PAX7: variants seen among roughly 807,000 people sequenced by gnomAD.
PAX7 encodes the protein paired box 7.
A neutral mutation model predicts 50.7 loss-of-function variants in PAX7; 18 were observed. The ratio of observed to expected loss-of-function variants is 0.36; its 90% CI spans 0.25 to 0.53. The LOEUF is 0.53. PAX7 is among the 20% of genes least tolerant of loss of function. The pLI, the probability that PAX7 is intolerant of heterozygous loss-of-function variation, is 0.93. For missense variants in PAX7, 644 were observed against 702.9 expected, an observed-to-expected ratio of 0.92 and a Z score of 0.95; for synonymous variants, 310 against 290.4, an observed-to-expected ratio of 1.07 and a Z score of -0.69.
intron 1 of PAX7, among the ~76,000 whole-genome samples, chr1:18,633,687 C>T (rs1308143388): frequency 1.3e-5 from 2 of 152,212 alleles, no homozygotes; most frequent in African/African-American, 2.4e-5. Flanking sequence ...ATATGTCACC[C>T]GTCCCTCGGC....
chr1:18,708,215 C>T (rs2089308350), intron 7 of PAX7, among the ~76,000 whole-genome samples: 1 of 152,082 alleles, frequency 6.6e-6, no homozygotes, highest in Non-Finnish European at 1.5e-5. Flanking sequence ...CACTCTCTCC[C>T]CTCTGCTCCG....
rs191285263 is a variant in PAX7, at chr1:18,729,697, C to T, written c.1156-5935C>T. On this transcript the variant is annotated intron_variant, in intron 7 of 8. Transcript: ENST00000420770. Reference sequence around the variant, plus strand: ...GTGTGTTGTGGAGTTGTGTGGATTCCAGGCCTTGCTCAGCTGAGACTGGGA... The same window carrying T: ...GTGTGTTGTGGAGTTGTGTGGATTCTAGGCCTTGCTCAGCTGAGACTGGGA... Among the ~76,000 whole-genome samples, 6 of 152,196 alleles carry T rather than the reference C, an allele frequency of 3.9e-5. 1 individual carries two copies. Among genetic ancestry groups the T allele is most frequent in the African/African-American group, 1.4e-4 (6 of 41,514 alleles).
At chr1:18,657,660 C>T (rs991573184) in intron 4 of PAX7, among the ~76,000 whole-genome samples, 8 of 152,150 alleles carry the variant, frequency 5.3e-5, no homozygotes, top group Non-Finnish European at 1.2e-4. Context: ...TTCAGGGGCC[C>T]GATGAATAGC....
At chr1:18,736,628 G>A (rs1557560988) in intron 8 of PAX7, among the ~76,000 whole-genome samples, 1 of 152,088 alleles carries the variant, frequency 6.6e-6, no homozygotes, top group African/African-American at 2.4e-5. Context: ...TTGACATCAT[G>A]TGTGTGTTTT....
At chr1:18,635,546 G>A (rs2088140083) in intron 3 of PAX7, among the ~76,000 whole-genome samples, 1 of 151,466 alleles carries the variant, frequency 6.6e-6, no homozygotes, top group Admixed American at 6.6e-5. Flanking sequence ...AGGAAGGAAG[G>A]AAAGCAGGCA....
At chr1:18,646,976 G>C (rs1243026305) in intron 4 of PAX7, among the ~76,000 whole-genome samples, 1 of 145,268 alleles carries the variant, frequency 6.9e-6, no homozygotes, top group African/African-American at 2.6e-5. Context: ...CCGGGGGTGG[G>C]GTGGGGGGGA....
intron 4 of PAX7, among the ~76,000 whole-genome samples, chr1:18,683,031 G>C (rs1324650770): frequency 1.3e-5 from 2 of 152,154 alleles, no homozygotes; most frequent in Non-Finnish European, 2.9e-5. Flanking sequence ...GAAGTGGATG[G>C]GGGTCAGGAA....
intron 5 of PAX7, 77 bp downstream of exon 5, chr1:18,692,030 G>T (rs2089079114): frequency 2.2e-6 from 3 of 1,376,050 alleles, no homozygotes; most frequent in Admixed American, 4.0e-5. Flanking sequence ...AAGGTCAGTG[G>T]GTTTAATGGG....
At chr1:18,741,760 C>T (rs1286679062) in intron 8 of PAX7, among the ~76,000 whole-genome samples, 1 of 152,200 alleles carries the variant, frequency 6.6e-6, no homozygotes, top group East Asian at 1.9e-4. Context: ...TTGGACAGAT[C>T]GCTTACATTG....
chr1:18,709,533 G>A (rs778848525), intron 7 of PAX7, among the ~76,000 whole-genome samples: 2 of 152,226 alleles, frequency 1.3e-5, no homozygotes, highest in South Asian at 2.1e-4. Flanking sequence ...TAGTAATTAC[G>A]GCGACAGCAA....
chr1:18,669,631 A>G (rs1009273385), intron 4 of PAX7, among the ~76,000 whole-genome samples: 1 of 152,186 alleles, frequency 6.6e-6, no homozygotes, highest in African/African-American at 2.4e-5. Context: ...CATTGGAGAC[A>G]AAGTCCGTAC....
intron 4 of PAX7, among the ~76,000 whole-genome samples, chr1:18,663,587 T>C (rs552700708): frequency 6.6e-6 from 1 of 152,326 alleles, no homozygotes; most frequent in South Asian, 2.1e-4. Context: ...TTCGCCATGT[T>C]GGCCAGCTGG....
intron 4 of PAX7, among the ~76,000 whole-genome samples, chr1:18,657,739 GGA>G (rs1367520862): frequency 2.0e-5 from 3 of 152,038 alleles, no homozygotes; most frequent in African/African-American, 7.2e-5. Flanking sequence ...CCTTTAAAGC[GGA>G]GTGTCTGCTG....
intron 1 of PAX7, among the ~76,000 whole-genome samples, chr1:18,633,844 C>A (rs556022479): frequency 7.5e-4 from 114 of 152,344 alleles, no homozygotes; most frequent in African/African-American, 2.3e-3. Context: ...CACATCACAC[C>A]CGTTATTGGC....
Position 18,735,760 on chromosome 1 carries a change from C to A in PAX7, c.1284C>A (p.Asp428Glu). The change falls in exon 8 of 9, where the codon GAC (aspartate) becomes GAA (glutamate). Residue 428 changes from aspartate (D) to glutamate (E), a missense_variant. Coordinates refer to ENST00000420770, the MANE Select transcript of PAX7 (RefSeq NM_001135254.2). The surrounding 1 kb of genome is among the most constrained non-coding windows in gnomAD (Gnocchi z 4.0). ...SISASCSQRA[D>E]SIKPGDSLPT... is the part of the protein sequence containing the mutation. Reference sequence around the variant, plus strand: ...CAGCCAGCTGCAGCCAGCGGGCCGACTCCATCAAGCCAGGAGACAGCCTGC... The same window carrying A: ...CAGCCAGCTGCAGCCAGCGGGCCGAATCCATCAAGCCAGGAGACAGCCTGC... 1 of 1,614,146 alleles carries A rather than the reference C, an allele frequency of 6.2e-7. No homozygotes were observed. The highest frequency in any genetic ancestry group is 8.5e-7 in the Non-Finnish European group (1 of 1,180,020).
intron 4 of PAX7, 126 bp from the exon 5 acceptor site, chr1:18,691,628 G>T (rs1035506130): frequency 1.5e-5 from 11 of 739,560 alleles, no homozygotes; most frequent in Admixed American, 5.1e-5. Flanking sequence ...CTTGGGAGGA[G>T]TCTGATCGAA....
intron 7 of PAX7, among the ~76,000 whole-genome samples, chr1:18,707,717 G>A (rs6692521): frequency 0.057 from 8,614 of 152,104 alleles, 786 homozygotes; most frequent in African/African-American, 0.19. Context: ...GAGCCACTGC[G>A]CCTGGCCTAG....
At chr1:18,655,546 G>A (rs558744291) in intron 4 of PAX7, among the ~76,000 whole-genome samples, 69 of 152,284 alleles carry the variant, frequency 4.5e-4, no homozygotes, top group African/African-American at 1.5e-3. Context: ...ACGGGGCCTC[G>A]CTCCCATTGA....
chr1:18,639,716 C>T (rs1370380834), intron 4 of PAX7, among the ~76,000 whole-genome samples: 1 of 152,046 alleles, frequency 6.6e-6, no homozygotes, highest in East Asian at 1.9e-4. Context: ...TCAAACCGTT[C>T]CTCAGTGGGA....
Sources: gnomAD v4.1 joint callset for allele counts (sites outside exome capture counted in the v4.1 genomes callset) on GRCh38, gnomAD v4.1.1 for gene constraint, Gnocchi (gnomAD v3.1) non-coding constraint, MANE v1.5 for transcripts, NCBI Gene and HGNC (gene_info 2026-07-23, HGNC 2026-07-21) for gene names.